Variants in ARSK observed in about 807,000 individuals in gnomAD.
ARSK encodes the protein arylsulfatase K.
In ARSK, 37 loss-of-function variants were observed where a neutral mutation model predicts 53.2. The observed-to-expected ratio is 0.70, with a 90% CI of 0.54 to 0.92. ARSK has a LOEUF of 0.92. Ranked by LOEUF, ARSK falls within the 40% of genes least tolerant of loss-of-function variation. ARSK has a pLI of 0.00. For missense variants in ARSK, 613 were observed against 643.0 expected, an observed-to-expected ratio of 0.95 and a Z score of 0.51; for synonymous variants, 208 against 223.2, an observed-to-expected ratio of 0.93 and a Z score of 0.61.
intron 3 of ARSK, among the ~76,000 whole-genome samples, chr5:95,569,239 G>A (rs1304956135): frequency 2.6e-5 from 4 of 152,110 alleles, no homozygotes; most frequent in Admixed American, 1.3e-4. Flanking sequence ...CTAATTGAGG[G>A]TTATTTGTAA....
At position 95,555,890 on chromosome 5, in the gene ARSK, A is replaced by G. The variant is rs2112403845; in HGVS notation, c.126+486A>G. Among the ~76,000 whole-genome samples, 1 of 152,326 alleles carries G rather than the reference A, an allele frequency of 6.6e-6. No individual in the cohort carries two copies. The highest frequency in any genetic ancestry group is 1.5e-5 in the Non-Finnish European group (1 of 68,020). ...ATCCTGTTAGTGCTGATTCAAATGG[A>G]ATCGTTGGTATAACTTGATTCACTC... On this transcript the variant is annotated intron_variant, in intron 1 of 7. Transcript: ENST00000380009. This position sits in a 1 kb window ranked among gnomAD's most constrained non-coding sequence, Gnocchi z 4.0.
chr5:95,583,107 G>C lies in ARSK; in HGVS notation c.608G>C (p.Gly203Ala), dbSNP rs751528419. 15 of 1,613,316 alleles carry C rather than the reference G, an allele frequency of 9.3e-6. No individual in the cohort carries two copies. In the Admixed American group the frequency reaches 2.5e-4, roughly 27 times the overall value. Residue 203 changes from glycine to alanine, a missense_variant, in exon 4 of 8, where the codon GGA becomes GCA. Physicochemically the swap from Gly to Ala is moderately conservative, Grantham distance 60. Transcript: ENST00000380009. ...ACTGAACCATTTGTTATTTACTTGGGATTAAATTTACCACACCCTTACCCT... is the reference window on the plus strand; with the variant it reads ...ACTGAACCATTTGTTATTTACTTGGCATTAAATTTACCACACCCTTACCCT... Reference protein sequence around the residue: ...NYTEPFVIYLGLNLPHPYPSP... With the variant: ...NYTEPFVIYLALNLPHPYPSP...
intron 3 of ARSK, among the ~76,000 whole-genome samples, chr5:95,569,355 T>TCC (rs1220803396): frequency 6.6e-6 from 1 of 152,044 alleles, no homozygotes; most frequent in Non-Finnish European, 1.5e-5. Context: ...TGAATAATGT[T>TCC]CCCCCAAATT....
In ARSK at chr5:95,603,560, A is replaced by T; in HGVS notation, c.*34A>T. On this transcript the variant is annotated 3_prime_UTR_variant, in exon 8 of 8. Coordinates refer to ENST00000380009, the MANE Select transcript of ARSK (RefSeq NM_198150.3). ...TTTAAAAATAGTGTTCTAGAGATAC[A>T]TATAAATATATTACAAGATCATAAT... is the stretch of plus-strand genomic sequence containing the variant. 1 of 1,456,000 alleles carries T rather than the reference A, an allele frequency of 6.9e-7. No homozygotes were observed. The highest frequency in any genetic ancestry group is 9.2e-7 in the Non-Finnish European group (1 of 1,090,936). 90.2% of individuals were successfully genotyped at this position (1,456,000 alleles called of 1,614,324 possible).
At chr5:95,564,753 TCTC>T (rs1235976756) in intron 1 of ARSK, among the ~76,000 whole-genome samples, 3 of 152,126 alleles carry the variant, frequency 2.0e-5, no homozygotes, top group Non-Finnish European at 4.4e-5. Flanking sequence ...TGGCACTCGG[TCTC>T]CTCACATCTT....
chr5:95,561,212 A>G (rs910804470), intron 1 of ARSK, among the ~76,000 whole-genome samples: 2 of 152,178 alleles, frequency 1.3e-5, no homozygotes, highest in Non-Finnish European at 2.9e-5. Flanking sequence ...GTAAATCAAA[A>G]CCACAGTGAG....
At chr5:95,568,945 T>C (rs1412733585) in intron 3 of ARSK, among the ~76,000 whole-genome samples, 1 of 152,236 alleles carries the variant, frequency 6.6e-6, no homozygotes, top group Non-Finnish European at 1.5e-5. Context: ...ACACTTCACA[T>C]GTGTCGTCGC....
rs759878620 is a variant in ARSK at position 95,600,889 on chromosome 5, C to T, written c.1139C>T (p.Ser380Phe). 4 of 1,614,094 alleles carry T rather than the reference C, an allele frequency of 2.5e-6. No individual in the cohort carries two copies. In the East Asian group the frequency reaches 6.7e-5, roughly 27 times the overall value. ...CTGCCTCAGAACCTGAGTGGATACT[C>T]TTTGTTGCCGTTATCATCAGAAACA... ...IPLPQNLSGYSLLPLSSETFK... is the reference protein window; with the variant it reads ...IPLPQNLSGYFLLPLSSETFK... Residue 380 changes from serine to phenylalanine, a missense_variant, in exon 7 of 8, where the codon TCT becomes TTT. Physicochemically the swap from Ser to Phe is radical, Grantham distance 155 (BLOSUM62 -2). Coordinates refer to ENST00000380009, the MANE Select transcript of ARSK (RefSeq NM_198150.3).
chr5:95,557,807 T>C (rs150957533), intron 1 of ARSK, among the ~76,000 whole-genome samples: 1 of 152,326 alleles, frequency 6.6e-6, no homozygotes, highest in East Asian at 1.9e-4. Context: ...GTAGATCAAC[T>C]CCCAAGAAAA....
At chr5:95,566,260 G>T in intron 2 of ARSK, 133 bp downstream of exon 2, 1 of 1,111,582 alleles carries the variant, frequency 9.0e-7, no homozygotes, top group Non-Finnish European at 1.3e-6. Flanking sequence ...TAAAAGATGT[G>T]CATTTTAAGG....
At chr5:95,566,193 A>T in intron 2 of ARSK, 66 bp downstream of exon 2, 1 of 1,555,112 alleles carries the variant, frequency 6.4e-7, no homozygotes, top group Non-Finnish European at 8.7e-7. Context: ...CACAGTTTAA[A>T]AGATTATACC....
At chr5:95,580,806 T>C (rs1268108729) in intron 3 of ARSK, 2 of 610,818 alleles carry the variant, frequency 3.3e-6, no homozygotes, top group South Asian at 1.8e-5. Flanking sequence ...AGTACTGTAG[T>C]ATATTCATCT....
intron 2 of ARSK, 51 bp downstream of exon 2, chr5:95,566,178 A>G (rs746265458): frequency 6.9e-6 from 11 of 1,587,362 alleles, no homozygotes; most frequent in African/African-American, 1.4e-5. Flanking sequence ...CACTGAAAAT[A>G]TATTCACAGT....
At position 95,601,020 on chromosome 5, in the gene ARSK, T is replaced by C. The variant is rs1749393493; in HGVS notation, c.1270T>C (p.Trp424Arg). 6.2e-7 allele frequency: 1 copy of C among 1,614,096 alleles called. No individual in the cohort carries two copies. Among genetic ancestry groups the C allele is most frequent in the Admixed American group, 1.7e-5 (1 of 60,012 alleles). The part of the protein sequence containing the change: ...ASTYMLRTNH[W>R]KYIAYSDGAS... ...CACCTACATGCTTCGAACTAACCAC[T>C]GGAAATATATAGCCTATTCGGATGG... Residue 424 changes from tryptophan to arginine, a missense_variant, in exon 7 of 8, where the codon TGG becomes CGG. Trp to Arg is a moderately radical substitution (Grantham distance 101, BLOSUM62 -3). Transcript: ENST00000380009.
intron 3 of ARSK, among the ~76,000 whole-genome samples, chr5:95,577,143 A>T (rs1278661597): frequency 3.3e-5 from 5 of 152,240 alleles, no homozygotes; most frequent in Admixed American, 6.5e-5. Flanking sequence ...AACAACAGAT[A>T]ATCTGGCAAT....
At chr5:95,599,923 A>G (rs543369314) in intron 6 of ARSK, among the ~76,000 whole-genome samples, 7 of 152,314 alleles carry the variant, frequency 4.6e-5, no homozygotes, top group African/African-American at 1.7e-4. Context: ...GGAAATATTT[A>G]TACATAAAAT....
At chr5:95,569,992 T>C (rs371489776) in intron 3 of ARSK, among the ~76,000 whole-genome samples, 2 of 152,310 alleles carry the variant, frequency 1.3e-5, no homozygotes, top group African/African-American at 4.8e-5. Context: ...ACTTACTCAC[T>C]TCTCAACTCT....
chr5:95,566,098 ACT>A lies in ARSK; in HGVS notation c.231_232del (p.Pro78AsnfsTer23), dbSNP rs950318426. On this transcript the variant is annotated frameshift_variant, in exon 2 of 8. Coordinates refer to ENST00000380009, the MANE Select transcript of ARSK (RefSeq NM_198150.3). LOFTEE classifies it high-confidence loss of function. Reference sequence around the variant, plus strand: ...ACTTCCTTTCTGAATGCCTACACAAACTCTCCAATTTGTTGCCCATCACGCGC... The same window carrying A: ...ACTTCCTTTCTGAATGCCTACACAAACTCCAATTTGTTGCCCATCACGCGC... 6.2e-7 allele frequency: 1 copy of A among 1,613,426 alleles called. No homozygotes were observed. Among genetic ancestry groups the A allele is most frequent in the Non-Finnish European group, 8.5e-7 (1 of 1,179,832 alleles).
intron 1 of ARSK, among the ~76,000 whole-genome samples, chr5:95,563,511 GC>G (rs1428631153): frequency 6.6e-6 from 1 of 152,094 alleles, no homozygotes; most frequent in Non-Finnish European, 1.5e-5. Context: ...GACGGCAGTC[GC>G]CCCCTCCCTT....
Sources: allele counts gnomAD v4.1 joint callset (sites outside exome capture counted in the v4.1 genomes callset), GRCh38; gene constraint gnomAD v4.1.1; non-coding constraint Gnocchi (gnomAD v3.1); transcripts MANE v1.5; gene names NCBI Gene and HGNC (gene_info 2026-07-23, HGNC 2026-07-21).